UBE3D: variants seen among roughly 807,000 people sequenced by gnomAD.
UBE3D encodes ubiquitin protein ligase E3D.
A neutral mutation model predicts 49.6 loss-of-function variants in UBE3D; 48 were observed. The ratio of observed to expected loss-of-function variants is 0.97; its 90% CI spans 0.77 to 1.23. The LOEUF (loss-of-function observed/expected upper bound fraction) is 1.23. Ranked by LOEUF, UBE3D falls within the 50% of genes most tolerant of loss-of-function variation. The pLI is 0.00. For synonymous variants in UBE3D, 189 were observed against 174.2 expected (o/e 1.08, Z -0.67); for missense variants, 452 against 468.4 (o/e 0.96, Z 0.32).
At chr6:82,882,082 G>C in the UBE3D span, among the ~76,000 whole-genome samples, 2 of 151,606 alleles carry the variant, frequency 1.3e-5, no homozygotes, top group South Asian at 2.1e-4. Flanking sequence ...ATCTTACTCT[G>C]TACACAAGAT....
At chr6:83,004,390 T>C (rs1779831543) in intron 8 of UBE3D, among the ~76,000 whole-genome samples, 1 of 152,236 alleles carries the variant, frequency 6.6e-6, no homozygotes, top group Non-Finnish European at 1.5e-5. Context: ...ATTCTGGTTT[T>C]GTCAGTAACA....
chr6:82,963,554 C>T (rs1014618091), intron 8 of UBE3D, among the ~76,000 whole-genome samples: 5 of 152,118 alleles, frequency 3.3e-5, no homozygotes, highest in Non-Finnish European at 5.9e-5. Flanking sequence ...GTTCAATGTT[C>T]GAGAACAGGA....
intron 9 of UBE3D, among the ~76,000 whole-genome samples, chr6:82,928,140 G>A (rs184389564): frequency 6.6e-6 from 1 of 152,112 alleles, no homozygotes; most frequent in African/African-American, 2.4e-5. Context: ...TCCCCAAGTA[G>A]AGGTAAGGGG....
chr6:83,047,798 T>C (rs541290405), intron 3 of UBE3D, among the ~76,000 whole-genome samples: 166 of 152,214 alleles, frequency 1.1e-3, no homozygotes, highest in Non-Finnish European at 2.1e-3. Context: ...ATAATCTGCA[T>C]TAAGCCGGGC....
chr6:83,054,072 A>G, intron 3 of UBE3D, 76 bp downstream of exon 3: 2 of 1,287,614 alleles, frequency 1.6e-6, no homozygotes, highest in Non-Finnish European at 2.3e-6. Context: ...ATTGGCAATT[A>G]CTTGAAAAAT....
intron 8 of UBE3D, among the ~76,000 whole-genome samples, chr6:83,001,390 C>G (rs1406204626): frequency 1.3e-5 from 2 of 152,206 alleles, no homozygotes; most frequent in African/African-American, 4.8e-5. Flanking sequence ...ATGACCTTCT[C>G]TAATACCTGA....
chr6:82,927,528 C>A (rs754902290), intron 9 of UBE3D, among the ~76,000 whole-genome samples: 1 of 151,930 alleles, frequency 6.6e-6, no homozygotes, highest in African/African-American at 2.4e-5. Context: ...TTATTTAGTT[C>A]TTTGATTTCT....
chr6:82,996,091 G>T (rs551094782), intron 8 of UBE3D, among the ~76,000 whole-genome samples: 2 of 151,942 alleles, frequency 1.3e-5, no homozygotes, highest in East Asian at 3.9e-4. Flanking sequence ...ACAGTAGTAG[G>T]GAGCACTTCT....
At chr6:83,042,844 A>G (rs1323761291) in intron 4 of UBE3D, among the ~76,000 whole-genome samples, 1 of 152,232 alleles carries the variant, frequency 6.6e-6, no homozygotes, top group Admixed American at 6.5e-5. Context: ...ATAGCACAGA[A>G]CAGCCTTGTT....
At chr6:82,983,158 T>C (rs1185867413) in intron 8 of UBE3D, among the ~76,000 whole-genome samples, 2 of 147,826 alleles carry the variant, frequency 1.4e-5, no homozygotes, top group East Asian at 4.0e-4. Flanking sequence ...GCTGAAAGTT[T>C]TTTTTTTTTT....
intron 2 of UBE3D, among the ~76,000 whole-genome samples, chr6:83,055,602 T>C (rs1157295250): frequency 1.3e-5 from 2 of 152,196 alleles, no homozygotes; most frequent in Non-Finnish European, 2.9e-5. Flanking sequence ...TAAAATTCAG[T>C]TTCTGATATA....
Position 82,952,298 on chromosome 6 carries a change from C to T in UBE3D, c.1149+5014G>A, listed in dbSNP as rs57568814. On this transcript the variant is annotated intron_variant, in intron 9 of 9. Transcript: ENST00000369747. Reference sequence around the variant, plus strand: ...CTGTAAAATGTAAACAATAATATACCTTCCTTATGGAGGTATCATGAAAAT... The same window carrying T: ...CTGTAAAATGTAAACAATAATATACTTTCCTTATGGAGGTATCATGAAAAT... 8.2e-3 allele frequency among the ~76,000 whole-genome samples: 1,253 copies of T among 152,134 alleles called. 22 individuals carry two copies. The highest frequency in any genetic ancestry group is 0.029 in the African/African-American group (1,185 of 41,490).
chr6:82,960,538 T>C (rs1342149931), intron 8 of UBE3D, among the ~76,000 whole-genome samples: 1 of 151,680 alleles, frequency 6.6e-6, no homozygotes, highest in Non-Finnish European at 1.5e-5. Context: ...GTTTCCTTTA[T>C]AAGAACTTGC....
chr6:82,882,648 T>C, the UBE3D span, among the ~76,000 whole-genome samples: 1 of 152,246 alleles, frequency 6.6e-6, no homozygotes, highest in Non-Finnish European at 1.5e-5. Flanking sequence ...AGGGCCCATC[T>C]GCTTCAAACT....
chr6:82,913,811 T>C (rs748901169), intron 9 of UBE3D, among the ~76,000 whole-genome samples: 10 of 152,330 alleles, frequency 6.6e-5, no homozygotes, highest in Non-Finnish European at 8.8e-5. Context: ...TCTTTTTACA[T>C]ATAAGTATGT....
chr6:82,945,103 G>A (rs1304393567), intron 9 of UBE3D, among the ~76,000 whole-genome samples: 1 of 152,178 alleles, frequency 6.6e-6, no homozygotes, highest in Non-Finnish European at 1.5e-5. Context: ...AGAGCCCTAG[G>A]GCCTTGAGCA....
chr6:82,902,263 C>T (rs1036372001), intron 9 of UBE3D, among the ~76,000 whole-genome samples: 3 of 152,264 alleles, frequency 2.0e-5, no homozygotes, highest in Admixed American at 6.5e-5. Flanking sequence ...CATGTAATTA[C>T]TACATGACCT....
rs192516870 is a variant in UBE3D, at chr6:83,047,360, G to A, written c.366-2701C>T. On this transcript the variant is annotated intron_variant, in intron 3 of 9. Transcript: ENST00000369747. ...CTGATAGGACACTTTGGCCTTCCCT[G>A]AATGCAGTTTCTTCTTGGGAACCCT... Among the ~76,000 whole-genome samples the A allele has an allele frequency of 1.3e-3, 202 of 152,296 alleles. 1 individual carries two copies. The highest frequency in any genetic ancestry group is 4.4e-3 in the African/African-American group (182 of 41,562).
chr6:83,016,702 T>A (rs1780723931), intron 8 of UBE3D, among the ~76,000 whole-genome samples: 1 of 151,472 alleles, frequency 6.6e-6, no homozygotes, highest in Non-Finnish European at 1.5e-5. Context: ...AATCTTCATA[T>A]ATATAAAGAT....
Sources: gnomAD v4.1 joint callset for allele counts (sites outside exome capture counted in the v4.1 genomes callset) on GRCh38, gnomAD v4.1.1 for gene constraint, MANE v1.5 for transcripts, NCBI Gene and HGNC (gene_info 2026-07-23, HGNC 2026-07-21) for gene names.